VIPR1: variants seen among roughly 807,000 people sequenced by gnomAD.
The protein encoded by VIPR1 is vasoactive intestinal peptide receptor 1.
In VIPR1, 59 loss-of-function variants were observed where a neutral mutation model predicts 58.8. The ratio of observed to expected loss-of-function variants is 1.00; its 90% CI spans 0.81 to 1.25. VIPR1 has a LOEUF of 1.25. Among genes scored for constraint, VIPR1 ranks in the 50% most tolerant of loss-of-function variants. The probability of loss-of-function intolerance (pLI) is 0.00; values close to 1 mark genes in which losing one functional copy is unlikely to be tolerated. For synonymous variants in VIPR1, 251 were observed against 242.1 expected (o/e 1.04, Z -0.34); for missense variants, 626 against 602.7 (o/e 1.04, Z -0.40).
At chr3:42,514,451 C>G (rs1001617657) in intron 2 of VIPR1, among the ~76,000 whole-genome samples, 1 of 151,924 alleles carries the variant, frequency 6.6e-6, no homozygotes, top group Non-Finnish European at 1.5e-5. Context: ...ATACTCACCA[C>G]AGCCAATATT....
intron 1 of VIPR1, among the ~76,000 whole-genome samples, chr3:42,493,462 C>T (rs1443016836): frequency 6.6e-6 from 1 of 152,206 alleles, no homozygotes. Flanking sequence ...TGGCTGCTTG[C>T]CTGTGGGCAC....
At chr3:42,532,651 C>T (rs1701633422) in intron 10 of VIPR1, 1 of 450,612 alleles carries the variant, frequency 2.2e-6, no homozygotes, top group African/African-American at 2.0e-5. Context: ...TACCATGTGC[C>T]CAGTCCCTGG....
chr3:42,530,998 G>C, intron 7 of VIPR1, 66 bp downstream of exon 7: 1 of 1,588,320 alleles, frequency 6.3e-7, no homozygotes, highest in South Asian at 1.1e-5. Flanking sequence ...ACTCCCTAGG[G>C]GGAGGGTGCC....
At chr3:42,492,781 C>T (rs1382973635) in intron 1 of VIPR1, among the ~76,000 whole-genome samples, 1 of 152,232 alleles carries the variant, frequency 6.6e-6, no homozygotes, top group Non-Finnish European at 1.5e-5. Flanking sequence ...CAGCACTAGA[C>T]TCACTACCTG....
chr3:42,489,621 A>G (rs1181715227), exon 1 of VIPR1: 1 of 152,300 alleles, frequency 6.6e-6, no homozygotes, highest in Non-Finnish European at 1.5e-5. Flanking sequence ...AGTGGCTGGC[A>G]TGTGCCAGGC....
Position 42,527,496 on chromosome 3 carries a change from G to C in VIPR1, c.503G>C (p.Arg168Thr), listed in dbSNP as rs1458052320. The C allele has an allele frequency of 1.2e-6, 2 of 1,613,328 alleles. No homozygotes were observed. The highest frequency in any genetic ancestry group is 8.5e-7 in the Non-Finnish European group (1 of 1,179,884). ...GCCACAGCTATCCTGAGCCTGTTCA[G>C]GTGAGGCCCAGCCCAAGTCACAGGC... ...LVATAILSLF[R>T]KLHCTRNYIH... Residue 168 changes from arginine to threonine, a missense_variant and splice_region_variant, in exon 5 of 13, where the codon AGG becomes ACG. By Grantham distance (71) the Arg-to-Thr change is moderately conservative (BLOSUM62 -1). Coordinates refer to ENST00000325123, the MANE Select transcript of VIPR1 (RefSeq NM_004624.4).
chr3:42,532,425 A>C, intron 10 of VIPR1, 92 bp downstream of exon 10: 7 of 1,302,914 alleles, frequency 5.4e-6, no homozygotes, highest in African/African-American at 1.5e-5. Context: ...CACCCCAAAC[A>C]TCCAGAGTCA....
intron 2 of VIPR1, among the ~76,000 whole-genome samples, chr3:42,517,445 G>T (rs2125651382): frequency 1.3e-5 from 2 of 152,308 alleles, no homozygotes; most frequent in South Asian, 4.1e-4. Flanking sequence ...GTCCAGAGCA[G>T]TCCTAGTCCC....
intron 9 of VIPR1, 47 bp downstream of exon 9, chr3:42,531,916 G>A: frequency 1.2e-6 from 2 of 1,610,300 alleles, no homozygotes; most frequent in Middle Eastern, 3.3e-4. Context: ...AGGCCCAAAG[G>A]GCAGGCAACT....
chr3:42,525,867 T>G lies in VIPR1; in HGVS notation c.293-20T>G. 3.1e-6 allele frequency: 5 copies of G among 1,590,564 alleles called. No homozygotes were observed. The highest frequency in any genetic ancestry group is 4.3e-6 in the Non-Finnish European group (5 of 1,168,792). ...TGCTCCCGGCCTCAGCCTTTGTCCT[T>G]GCCCCTGCCCTCCACCCAGGCCGCA... On this transcript the variant is annotated intron_variant, in intron 3 of 12. Transcript: ENST00000325123.
At chr3:42,527,702 G>T (rs982071073) in intron 5 of VIPR1, 1 of 639,562 alleles carries the variant, frequency 1.6e-6, no homozygotes, top group South Asian at 1.9e-5. Flanking sequence ...TCTCCCCTAG[G>T]ATGGCCCTGC....
At chr3:42,494,758 GATTTA>G (rs1699727468) in intron 1 of VIPR1, among the ~76,000 whole-genome samples, 1 of 151,658 alleles carries the variant, frequency 6.6e-6, no homozygotes, top group Non-Finnish European at 1.5e-5. Context: ...TCTTTCTTTG[GATTTA>G]ATTTATTATT....
At chr3:42,530,742 G>GC in intron 6 of VIPR1, 37 bp from the exon 7 acceptor site, 1 of 1,608,452 alleles carries the variant, frequency 6.2e-7, no homozygotes. Flanking sequence ...ACCCTTGACA[G>GC]CCCCAGTGAA....
intron 2 of VIPR1, 84 bp downstream of exon 2, chr3:42,513,938 G>C: frequency 7.0e-7 from 1 of 1,425,908 alleles, no homozygotes; most frequent in Non-Finnish European, 9.6e-7. Flanking sequence ...TCCAAGTCAC[G>C]TTCGTTCCAC....
intron 1 of VIPR1, among the ~76,000 whole-genome samples, chr3:42,510,938 T>C (rs1419810471): frequency 1.3e-5 from 2 of 152,032 alleles, no homozygotes; most frequent in African/African-American, 2.4e-5. Context: ...GCGCCCATGG[T>C]GATTGGGAAA....
At position 42,536,128 on chromosome 3, in the gene VIPR1, C is replaced by T. The variant is rs376197268; in HGVS notation, c.1221C>T (p.His407=). The T allele has an allele frequency of 8.7e-6, 14 of 1,604,802 alleles. No homozygotes were observed. Among genetic ancestry groups the T allele is most frequent in the Admixed American group, 1.7e-5 (1 of 59,254 alleles). Residue 407 remains histidine, a synonymous_variant, in exon 13 of 13, where the codon CAC becomes CAT. Coordinates refer to ENST00000325123, the MANE Select transcript of VIPR1 (RefSeq NM_004624.4). ...TGAGGCGGAAGTGGCGGCGCTGGCA[C>T]CTGCAGGGCGTCCTGGGCTGGAACC... ...AELRRKWRRW[H]LQGVLGWNPK...
chr3:42,512,969 C>G (rs1700433611), intron 1 of VIPR1: 2 of 985,166 alleles, frequency 2.0e-6, no homozygotes, highest in South Asian at 9.4e-5. Context: ...CCCAGTCACA[C>G]TGGTCTGGCC....
chr3:42,521,108 C>T (rs1161835067), intron 3 of VIPR1, among the ~76,000 whole-genome samples: 3 of 152,192 alleles, frequency 2.0e-5, no homozygotes, highest in Non-Finnish European at 4.4e-5. Flanking sequence ...CCCCATGGCT[C>T]TTCCTTCTGT....
intron 2 of VIPR1, 129 bp downstream of exon 2, chr3:42,513,983 C>A: frequency 1.9e-6 from 2 of 1,053,530 alleles, no homozygotes; most frequent in Non-Finnish European, 2.7e-6. Context: ...GGCTGGGGAG[C>A]CAGATGGAAG....
Sources: gnomAD v4.1 joint callset for allele counts (sites outside exome capture counted in the v4.1 genomes callset) on GRCh38, gnomAD v4.1.1 for gene constraint, MANE v1.5 for transcripts, NCBI Gene and HGNC (gene_info 2026-07-23, HGNC 2026-07-21) for gene names.